SDK1: variants seen among roughly 807,000 people sequenced by gnomAD.
SDK1 encodes sidekick cell adhesion molecule 1, also known as protein sidekick-1.
SDK1 carries 157 observed loss-of-function variants against 245.5 expected under a neutral mutation model. The observed-to-expected ratio is 0.64, with a 90% CI of 0.56 to 0.73. SDK1 has a LOEUF of 0.73. SDK1 is among the 30% of genes least tolerant of loss of function. SDK1 has a pLI of 0.00. For missense variants in SDK1, 3,583 were observed against 3,002.3 expected (o/e 1.19, Z -4.52); for synonymous variants, 1,647 against 1,278.5 (o/e 1.29, Z -6.15).
intron 1 of SDK1, among the ~76,000 whole-genome samples, chr7:3,327,823 T>C (rs954297920): frequency 6.6e-6 from 1 of 152,172 alleles, no homozygotes; most frequent in Non-Finnish European, 1.5e-5. Context: ...CCAGGAATAT[T>C]ATGTAATGCT....
rs115197585 is a variant in SDK1, at chr7:3,870,326, G to C, written c.847+48743G>C. ...AGCGACTTGGCCCCTTTTAAGCTGA[G>C]GGAACTGACCTTATGTGTCAATTTC... On this transcript the variant is annotated intron_variant, in intron 5 of 44. Coordinates refer to ENST00000404826, the MANE Select transcript of SDK1 (RefSeq NM_152744.4). 4.9e-3 allele frequency among the ~76,000 whole-genome samples: 746 copies of C among 152,202 alleles called. 8 individuals carry two copies. Among genetic ancestry groups the C allele is most frequent in the African/African-American group, 0.017 (699 of 41,538 alleles).
At chr7:4,103,568 G>C (rs1782712603) in intron 22 of SDK1, among the ~76,000 whole-genome samples, 1 of 152,226 alleles carries the variant, frequency 6.6e-6, no homozygotes, top group African/African-American at 2.4e-5. Context: ...CATTTTTGGT[G>C]ATCATCTGTT....
At chr7:3,629,018 C>T (rs904683708) in intron 2 of SDK1, among the ~76,000 whole-genome samples, 7 of 152,062 alleles carry the variant, frequency 4.6e-5, no homozygotes, top group African/African-American at 9.6e-5. Flanking sequence ...ACAGGCCAAG[C>T]GCAGTGGCTC....
intron 4 of SDK1, among the ~76,000 whole-genome samples, chr7:3,723,661 T>TGA: frequency 6.8e-6 from 1 of 147,438 alleles, no homozygotes; most frequent in African/African-American, 2.5e-5. Context: ...GTAAAAGTTG[T>TGA]GTGTGTGTGT....
chr7:3,691,338 A>G (rs1784432913), intron 4 of SDK1, among the ~76,000 whole-genome samples: 2 of 152,208 alleles, frequency 1.3e-5, no homozygotes, highest in South Asian at 2.1e-4. Context: ...TCGAAGTACA[A>G]GATAAATCAC....
chr7:4,089,633 C>G (rs142811212), intron 22 of SDK1, among the ~76,000 whole-genome samples: 4 of 152,216 alleles, frequency 2.6e-5, no homozygotes, highest in African/African-American at 9.6e-5. Flanking sequence ...AGCTCCGTCA[C>G]GTGGAGCCCA....
intron 20 of SDK1, 107 bp from the exon 21 acceptor site, chr7:4,076,891 C>A: frequency 2.0e-6 from 2 of 975,996 alleles, no homozygotes; most frequent in Non-Finnish European, 3.1e-6. Flanking sequence ...TCAGCACATC[C>A]AGCCAAGCTC....
At chr7:4,071,527 G>C (rs1233786620) in intron 20 of SDK1, among the ~76,000 whole-genome samples, 1 of 152,202 alleles carries the variant, frequency 6.6e-6, no homozygotes, top group African/African-American at 2.4e-5. Context: ...AGGGCCTCCT[G>C]TTGCCTGGAG....
intron 1 of SDK1, among the ~76,000 whole-genome samples, chr7:3,362,581 G>T (rs34834420): frequency 0.24 from 36,562 of 151,860 alleles, 4,875 homozygotes; most frequent in East Asian, 0.38. Flanking sequence ...GCATAATTGC[G>T]TTTTTCTTTT....
chr7:3,870,341 G>A (rs2115132594), intron 5 of SDK1, among the ~76,000 whole-genome samples: 1 of 152,292 alleles, frequency 6.6e-6, no homozygotes. Flanking sequence ...CTGACCTTAT[G>A]TGTCAATTTC....
intron 16 of SDK1, among the ~76,000 whole-genome samples, chr7:4,013,897 C>T (rs372621796): frequency 1.8e-4 from 28 of 152,344 alleles, no homozygotes; most frequent in African/African-American, 5.8e-4. Flanking sequence ...GGGTGGGGGC[C>T]GCAGGCTCTG....
intron 1 of SDK1, among the ~76,000 whole-genome samples, chr7:3,607,143 G>C (rs896200974): frequency 6.6e-6 from 1 of 151,852 alleles, no homozygotes; most frequent in Non-Finnish European, 1.5e-5. Context: ...ACTACACAAA[G>C]GAAGGCCCTT....
At chr7:4,136,706 C>T (rs1405953661) in intron 28 of SDK1, among the ~76,000 whole-genome samples, 1 of 152,264 alleles carries the variant, frequency 6.6e-6, no homozygotes, top group Non-Finnish European at 1.5e-5. Flanking sequence ...TGCGTGAGCT[C>T]TTCAGACCCA....
At chr7:3,431,132 C>T (rs980402604) in intron 1 of SDK1, among the ~76,000 whole-genome samples, 3 of 152,106 alleles carry the variant, frequency 2.0e-5, no homozygotes, top group Non-Finnish European at 2.9e-5. Flanking sequence ...AACTCCTGAG[C>T]TCAAGTGATC....
chr7:3,504,178 A>ATGTGTGTGTGTGTGTG (rs1159786202), intron 1 of SDK1, among the ~76,000 whole-genome samples: 131 of 52,408 alleles, frequency 2.5e-3, no homozygotes, highest in Middle Eastern at 8.8e-3. Context: ...TTATATATAT[A>ATGTGTGTGTGTGTGTG]TATATGTGTG....
At chr7:3,866,088 T>G (rs1780814640) in intron 5 of SDK1, among the ~76,000 whole-genome samples, 1 of 152,212 alleles carries the variant, frequency 6.6e-6, no homozygotes, top group Admixed American at 6.5e-5. Flanking sequence ...TATATTTTGT[T>G]AGTTGACTTT....
At chr7:4,103,666 A>G (rs1244616543) in intron 22 of SDK1, among the ~76,000 whole-genome samples, 1 of 152,248 alleles carries the variant, frequency 6.6e-6, no homozygotes, top group African/African-American at 2.4e-5. Context: ...TGCATTAAAC[A>G]CCAAGTTGAG....
At chr7:4,003,225 G>A (rs766675985) in intron 14 of SDK1, among the ~76,000 whole-genome samples, 6 of 152,298 alleles carry the variant, frequency 3.9e-5, no homozygotes, top group South Asian at 2.1e-4. Context: ...CAGGTTCCAC[G>A]CAGGGCCTCC....
At chr7:4,176,931 G>C (rs1359566794) in intron 34 of SDK1, among the ~76,000 whole-genome samples, 1 of 152,198 alleles carries the variant, frequency 6.6e-6, no homozygotes, top group Non-Finnish European at 1.5e-5. Context: ...TCCCAGCTAG[G>C]GAGGAGTTTC....
Sources: allele counts gnomAD v4.1 joint callset (sites outside exome capture counted in the v4.1 genomes callset), GRCh38; gene constraint gnomAD v4.1.1; transcripts MANE v1.5; gene names NCBI Gene and HGNC (gene_info 2026-07-23, HGNC 2026-07-21).